The following PTPRG variants were observed in gnomAD, a reference collection of about 807,000 sequenced individuals.
The protein encoded by PTPRG is receptor-type tyrosine-protein phosphatase gamma.
PTPRG carries 102 observed loss-of-function variants against 165.3 expected under a neutral mutation model. The ratio of observed to expected loss-of-function variants is 0.62; its 90% CI spans 0.53 to 0.73. PTPRG has a LOEUF of 0.73. Among genes scored for constraint, PTPRG ranks in the 30% least tolerant of loss-of-function variants. The pLI, the probability that PTPRG is intolerant of heterozygous loss-of-function variation, is 0.00. For missense variants in PTPRG, 1,866 were observed against 1,861.4 expected (o/e 1.00, Z -0.05); for synonymous variants, 675 against 669.5 (o/e 1.01, Z -0.13).
intron 1 of PTPRG, among the ~76,000 whole-genome samples, chr3:61,737,677 C>T (rs1041911456): frequency 3.3e-5 from 5 of 152,014 alleles, no homozygotes; most frequent in Non-Finnish European, 4.4e-5. Context: ...CTTCATGATA[C>T]GGTGTTTTAA....
chr3:61,944,983 G>A (rs1324181689), intron 2 of PTPRG, among the ~76,000 whole-genome samples: 2 of 152,122 alleles, frequency 1.3e-5, no homozygotes, highest in African/African-American at 2.4e-5. Flanking sequence ...GGAAAAGAAC[G>A]GAATTCTATG....
intron 1 of PTPRG, among the ~76,000 whole-genome samples, chr3:61,587,777 C>G (rs13096386): frequency 1.3e-5 from 2 of 152,106 alleles, no homozygotes; most frequent in Non-Finnish European, 2.9e-5. Flanking sequence ...CCACCTCAGC[C>G]TCTTGAGTAG....
chr3:61,683,484 A>G (rs1015052354), intron 1 of PTPRG, among the ~76,000 whole-genome samples: 1 of 152,182 alleles, frequency 6.6e-6, no homozygotes, highest in Non-Finnish European at 1.5e-5. Flanking sequence ...TCAGTTAACC[A>G]AGCAGCCAAA....
intron 6 of PTPRG, among the ~76,000 whole-genome samples, chr3:62,142,971 G>A (rs1437043026): frequency 2.0e-5 from 3 of 152,148 alleles, no homozygotes; most frequent in East Asian, 1.9e-4. Flanking sequence ...GAGGCGGGGC[G>A]ACTTGCCCCA....
chr3:61,838,146 G>A (rs976984534), intron 2 of PTPRG, among the ~76,000 whole-genome samples: 47 of 152,214 alleles, frequency 3.1e-4, no homozygotes, highest in African/African-American at 1.1e-3. Context: ...GAATGGGAGG[G>A]AACTGGGCCT....
intron 1 of PTPRG, among the ~76,000 whole-genome samples, chr3:61,735,514 A>T (rs1295850641): frequency 1.4e-5 from 2 of 145,802 alleles, no homozygotes; most frequent in African/African-American, 5.1e-5. Context: ...GGCAATACTA[A>T]CCCCAATTCC....
chr3:61,970,694 TA>T (rs1034263118), intron 2 of PTPRG, among the ~76,000 whole-genome samples: 4 of 152,054 alleles, frequency 2.6e-5, no homozygotes, highest in African/African-American at 7.2e-5. Flanking sequence ...TTTGAACTCT[TA>T]AAAAAATTCT....
At chr3:61,930,507 G>A (rs867724721) in intron 2 of PTPRG, among the ~76,000 whole-genome samples, 2 of 152,098 alleles carry the variant, frequency 1.3e-5, no homozygotes, top group South Asian at 2.1e-4. Context: ...TATGTGTTGC[G>A]TCTTACTTTT....
At chr3:61,952,914 G>C (rs2107627468) in intron 2 of PTPRG, among the ~76,000 whole-genome samples, 1 of 152,320 alleles carries the variant, frequency 6.6e-6, no homozygotes, top group Admixed American at 6.5e-5. Context: ...GTGACCCACT[G>C]TTGTCTACAC....
intron 2 of PTPRG, among the ~76,000 whole-genome samples, chr3:61,851,316 A>G (rs933545799): frequency 1.3e-5 from 2 of 152,178 alleles, no homozygotes; most frequent in Non-Finnish European, 2.9e-5. Context: ...AAGTCTCTTC[A>G]TTGTAGGATG....
intron 15 of PTPRG, among the ~76,000 whole-genome samples, chr3:62,247,364 G>T (rs548615664): frequency 3.2e-4 from 49 of 152,068 alleles, no homozygotes; most frequent in Admixed American, 8.5e-4. Context: ...TCCTCATTTG[G>T]ATATTGATTC....
At chr3:62,238,808 C>T (rs1204266931) in intron 14 of PTPRG, among the ~76,000 whole-genome samples, 5 of 152,170 alleles carry the variant, frequency 3.3e-5, no homozygotes, top group Non-Finnish European at 7.4e-5. Context: ...GACTGACTGA[C>T]TGTTCAGGGC....
chr3:62,027,130 C>T (rs1429301449), intron 4 of PTPRG, among the ~76,000 whole-genome samples: 1 of 152,032 alleles, frequency 6.6e-6, no homozygotes, highest in African/African-American at 2.4e-5. Context: ...TCCCCCTTCT[C>T]CATGGCTAGT....
At chr3:61,798,328 A>G (rs756354386) in intron 2 of PTPRG, among the ~76,000 whole-genome samples, 3 of 152,182 alleles carry the variant, frequency 2.0e-5, no homozygotes, top group East Asian at 1.9e-4. Context: ...CTTCACCACT[A>G]TGTAGGTTCC....
chr3:61,707,795 A>T (rs1428039748), intron 1 of PTPRG, among the ~76,000 whole-genome samples: 1 of 151,984 alleles, frequency 6.6e-6, no homozygotes, highest in African/African-American at 2.4e-5. Context: ...TGCCTATTTT[A>T]TTATTATTTT....
chr3:62,181,488 T>C (rs1576104103), intron 8 of PTPRG, among the ~76,000 whole-genome samples: 1 of 152,190 alleles, frequency 6.6e-6, no homozygotes, highest in East Asian at 1.9e-4. Flanking sequence ...TGTTGAGATT[T>C]CAGTTCAAAC....
chr3:61,579,414 G>A lies in PTPRG; in HGVS notation c.85+17042G>A, dbSNP rs117046278. The stretch of plus-strand genomic sequence containing the variant: ...TGAAATTCTGCTGCTATTCCGACAC[G>A]TGTTTTTTACAATGTGGCTAACACA... On this transcript the variant is annotated intron_variant, in intron 1 of 29. Coordinates refer to ENST00000474889, the MANE Select transcript of PTPRG (RefSeq NM_002841.4). Among the ~76,000 whole-genome samples the A allele has an allele frequency of 8.0e-4, 122 of 152,284 alleles. 1 individual carries two copies. The East Asian group carries it at 0.021, about 27-fold the overall frequency.
At chr3:61,871,241 A>AT (rs2037573995) in intron 2 of PTPRG, among the ~76,000 whole-genome samples, 1 of 149,960 alleles carries the variant, frequency 6.7e-6, no homozygotes, top group Non-Finnish European at 1.5e-5. Flanking sequence ...TTAATGTTAT[A>AT]TTTTAAGACA....
At chr3:61,767,174 A>G (rs13077079) in intron 2 of PTPRG, among the ~76,000 whole-genome samples, 123,161 of 147,108 alleles carry the variant, frequency 0.84, 51,827 homozygotes, top group East Asian at 0.94. Context: ...AACCTGAGAG[A>G]CAGAGGTTGC....
Sources: allele counts gnomAD v4.1 joint callset (sites outside exome capture counted in the v4.1 genomes callset), GRCh38; gene constraint gnomAD v4.1.1; transcripts MANE v1.5; gene names NCBI Gene and HGNC (gene_info 2026-07-23, HGNC 2026-07-21).